VRK2: variants seen among roughly 807,000 people sequenced by gnomAD.
The protein encoded by VRK2 is VRK serine/threonine kinase 2.
Under a neutral mutation model 57.6 loss-of-function variants are expected in VRK2, and 60 were observed. That is an observed-to-expected ratio of 1.04 (90% CI 0.85 to 1.29). The LOEUF is 1.29. Ranked by LOEUF, VRK2 falls within the 50% of genes most tolerant of loss-of-function variation. The pLI is 0.00. For missense variants in VRK2, 705 were observed against 588.1 expected, an observed-to-expected ratio of 1.20 and a Z score of -2.06; for synonymous variants, 231 against 199.2, an observed-to-expected ratio of 1.16 and a Z score of -1.35.
chr2:58,020,468 T>G (rs1222865394), intron 1 of VRK2, among the ~76,000 whole-genome samples: 1 of 152,252 alleles, frequency 6.6e-6, no homozygotes, highest in East Asian at 1.9e-4. Flanking sequence ...GCCTCCCAAG[T>G]CACTGGGATT....
At chr2:58,060,836 A>G (rs1677219185) in intron 2 of VRK2, among the ~76,000 whole-genome samples, 1 of 151,896 alleles carries the variant, frequency 6.6e-6, no homozygotes, top group Admixed American at 6.6e-5. Context: ...CACTTCATAC[A>G]CTTTGAAAAT....
intron 7 of VRK2, among the ~76,000 whole-genome samples, chr2:58,120,184 C>CTTTTTTGTTTT (rs1278716025): frequency 1.9e-5 from 1 of 51,988 alleles, no homozygotes; most frequent in African/African-American, 1.0e-4. Context: ...TTTTTCTTTT[C>CTTTTTTGTTTT]TTTTTTTTTT....
At chr2:58,090,300 G>A (rs1166620870) in intron 7 of VRK2, among the ~76,000 whole-genome samples, 5 of 151,544 alleles carry the variant, frequency 3.3e-5, no homozygotes, top group Admixed American at 6.6e-5. Context: ...GGAGGCTGAG[G>A]CAGGAGAATT....
At chr2:58,007,546 A>G (rs1047353272) in intron 1 of VRK2, among the ~76,000 whole-genome samples, 8 of 152,150 alleles carry the variant, frequency 5.3e-5, no homozygotes, top group Non-Finnish European at 8.8e-5. Context: ...TTTTCCTCTT[A>G]TAATTTTCTT....
At chr2:58,018,111 C>G (rs1673641452) in intron 1 of VRK2, 1 of 152,322 alleles carries the variant, frequency 6.6e-6, no homozygotes, top group East Asian at 1.9e-4. Context: ...CCTGCCTCAG[C>G]CCTGCCTTGT....
At chr2:58,001,333 G>A (rs1673082784) in intron 1 of VRK2, among the ~76,000 whole-genome samples, 1 of 152,120 alleles carries the variant, frequency 6.6e-6, no homozygotes, top group Non-Finnish European at 1.5e-5. Flanking sequence ...TACAATGAAA[G>A]AAGAATGTTT....
chr2:57,922,488 GA>G (rs1202362329), intron 1 of VRK2, among the ~76,000 whole-genome samples: 8 of 148,488 alleles, frequency 5.4e-5, no homozygotes, highest in South Asian at 2.1e-4. Flanking sequence ...GTGTGTGTGT[GA>G]TGAGAATATT....
chr2:58,150,729 A>T (rs563009246), intron 12 of VRK2, among the ~76,000 whole-genome samples: 142 of 151,050 alleles, frequency 9.4e-4, no homozygotes, highest in Admixed American at 1.7e-3. Flanking sequence ...TTAAATCACT[A>T]ATTTTTTCCT....
intron 8 of VRK2, among the ~76,000 whole-genome samples, chr2:58,123,573 G>C (rs536958587): frequency 3.3e-5 from 5 of 152,194 alleles, no homozygotes. Context: ...TGGTAAAGTT[G>C]CATGTGGGCC....
chr2:58,007,135 C>T (rs1233366135), intron 1 of VRK2, among the ~76,000 whole-genome samples: 1 of 151,786 alleles, frequency 6.6e-6, no homozygotes, highest in African/African-American at 2.4e-5. Context: ...CCTGCATCTT[C>T]TGTTTGCTAA....
At chr2:57,914,774 T>C (rs1238533408) in intron 1 of VRK2, among the ~76,000 whole-genome samples, 1 of 152,148 alleles carries the variant, frequency 6.6e-6, no homozygotes, top group Admixed American at 6.5e-5. Flanking sequence ...AAAAGAAACA[T>C]TGCTCTCCAA....
intron 2 of VRK2, among the ~76,000 whole-genome samples, chr2:58,051,458 G>A (rs1675731267): frequency 6.6e-6 from 1 of 152,096 alleles, no homozygotes; most frequent in South Asian, 2.1e-4. Context: ...TATTTTCAAA[G>A]CTATACAAAC....
At chr2:57,988,934 T>G (rs1360573988) in intron 1 of VRK2, among the ~76,000 whole-genome samples, 1 of 152,146 alleles carries the variant, frequency 6.6e-6, no homozygotes, top group Non-Finnish European at 1.5e-5. Context: ...AAAACACAGA[T>G]TGGGGTTGCA....
chr2:58,035,434 T>C (rs1284516191), intron 3 of VRK2, among the ~76,000 whole-genome samples: 1 of 152,016 alleles, frequency 6.6e-6, no homozygotes, highest in East Asian at 1.9e-4. Flanking sequence ...CAGGAAAGTA[T>C]TATGTACATT....
intron 12 of VRK2, chr2:58,147,042 AT>A: frequency 2.6e-6 from 1 of 387,474 alleles, no homozygotes; most frequent in Admixed American, 2.8e-5. Flanking sequence ...AATGACCAAC[AT>A]TTTATATGAT....
At chr2:57,963,775 T>C (rs1459367370) in intron 1 of VRK2, among the ~76,000 whole-genome samples, 1 of 152,226 alleles carries the variant, frequency 6.6e-6, no homozygotes, top group East Asian at 1.9e-4. Flanking sequence ...TAGTAATGTC[T>C]GCATCACAAA....
At chr2:58,064,813 T>C (rs1373027333) in intron 2 of VRK2, among the ~76,000 whole-genome samples, 1 of 152,158 alleles carries the variant, frequency 6.6e-6, no homozygotes, top group Non-Finnish European at 1.5e-5. Context: ...CACTTTTTTT[T>C]CAAGTATACA....
chr2:57,940,258 G>A lies in VRK2; in HGVS notation c.-439+32419G>A, dbSNP rs1301582387. Among the ~76,000 whole-genome samples, 4 of 152,044 alleles carry A rather than the reference G, an allele frequency of 2.6e-5. No individual in the cohort carries two copies. In the East Asian group the frequency reaches 7.7e-4, roughly 29 times the overall value. On this transcript the variant is annotated intron_variant, in intron 1 of 15. Coordinates refer to the VRK2 transcript ENST00000417641. ...GAATCTCAAGGCCTGAGACCCAGGG[G>A]AATAGATAATATAAATCACAGTCAA...
intron 1 of VRK2, among the ~76,000 whole-genome samples, chr2:58,003,552 C>A (rs1432823841): frequency 6.6e-6 from 1 of 151,998 alleles, no homozygotes; most frequent in Non-Finnish European, 1.5e-5. Flanking sequence ...CAGAAAACTG[C>A]AAATTATTTT....
Sources: gnomAD v4.1 joint callset for allele counts (sites outside exome capture counted in the v4.1 genomes callset) on GRCh38, gnomAD v4.1.1 for gene constraint, MANE v1.5 for transcripts, NCBI Gene and HGNC (gene_info 2026-07-23, HGNC 2026-07-21) for gene names.